C6orf89: variants seen among roughly 807,000 people sequenced by gnomAD.
C6orf89 encodes chromosome 6 open reading frame 89, also known as bombesin receptor-activated protein C6orf89.
In C6orf89, 29 loss-of-function variants were observed where a neutral mutation model predicts 40.7. That is an observed-to-expected ratio of 0.71 (90% CI 0.53 to 0.97). The LOEUF (loss-of-function observed/expected upper bound fraction) is 0.97, where lower values mean the gene tolerates loss of function less well. Among genes scored for constraint, C6orf89 ranks in the 50% least tolerant of loss-of-function variants. The pLI is 0.00. For synonymous variants in C6orf89, 165 were observed against 152.2 expected (o/e 1.08, Z -0.62); for missense variants, 392 against 429.1 (o/e 0.91, Z 0.76).
At chr6:36,921,187 G>A (rs1762497509) in intron 8 of C6orf89, among the ~76,000 whole-genome samples, 1 of 144,946 alleles carries the variant, frequency 6.9e-6, no homozygotes, top group African/African-American at 2.5e-5. Flanking sequence ...GGACTGAAGA[G>A]AAGAAGAAGA....
intron 4 of C6orf89, 36 bp from the exon 5 acceptor site, chr6:36,914,248 C>G: frequency 6.3e-7 from 1 of 1,576,650 alleles, no homozygotes; most frequent in Non-Finnish European, 8.6e-7. Flanking sequence ...TATGCTCTTT[C>G]AGTATCTGTT....
At chr6:36,889,340 TAATA>T (rs760906446) in intron 1 of C6orf89, among the ~76,000 whole-genome samples, 5 of 152,166 alleles carry the variant, frequency 3.3e-5, no homozygotes, top group Non-Finnish European at 5.9e-5. Context: ...TTCAACAGGT[TAATA>T]AATGAATGGA....
At chr6:36,909,971 A>C (rs971078739) in intron 4 of C6orf89, among the ~76,000 whole-genome samples, 3 of 152,134 alleles carry the variant, frequency 2.0e-5, no homozygotes, top group Middle Eastern at 6.3e-3. Flanking sequence ...ACAGTCACTT[A>C]GGGTAGATAC....
chr6:36,896,789 A>G (rs761405678), intron 2 of C6orf89, among the ~76,000 whole-genome samples: 14 of 152,154 alleles, frequency 9.2e-5, no homozygotes, highest in Non-Finnish European at 1.9e-4. Context: ...ATTTTAGCTT[A>G]TAAATTTAGG....
intron 1 of C6orf89, among the ~76,000 whole-genome samples, chr6:36,890,479 C>A (rs1448023093): frequency 6.6e-6 from 1 of 152,080 alleles, no homozygotes; most frequent in African/African-American, 2.4e-5. Context: ...AGCAGGATTT[C>A]TTTCTTTTTT....
At chr6:36,884,055 A>G (rs187409876), upstream of C6orf89, among the ~76,000 whole-genome samples, 364 of 152,284 alleles carry the variant, frequency 2.4e-3, 1 homozygote, top group African/African-American at 8.5e-3. This position sits in a 1 kb window ranked among gnomAD's most constrained non-coding sequence, Gnocchi z 4.0. Context: ...TGAGGTCAGG[A>G]GTTTGAGAGC....
intron 2 of C6orf89, among the ~76,000 whole-genome samples, chr6:36,880,004 G>A (rs752674894): frequency 6.6e-6 from 1 of 152,234 alleles, no homozygotes; most frequent in Admixed American, 6.5e-5. Context: ...GGCGGTTCCA[G>A]TTCCATTCCC....
At chr6:36,917,769 G>C (rs72846836) in intron 7 of C6orf89, among the ~76,000 whole-genome samples, 8 of 152,218 alleles carry the variant, frequency 5.3e-5, no homozygotes, top group Non-Finnish European at 8.8e-5. Context: ...CCAGGCCCTT[G>C]TATGATTTCA....
At chr6:36,893,354 G>A (rs1199444616) in intron 1 of C6orf89, among the ~76,000 whole-genome samples, 1 of 152,032 alleles carries the variant, frequency 6.6e-6, no homozygotes, top group East Asian at 1.9e-4. Context: ...GGCATCCCTG[G>A]GGGCAGAATC....
At chr6:36,885,748 T>C, upstream of C6orf89, 1 of 357,544 alleles carries the variant, frequency 2.8e-6, no homozygotes, top group Non-Finnish European at 5.0e-6. Flanking sequence ...GATTTAGGAC[T>C]GGGGCGAAAA....
In C6orf89 at chr6:36,886,042, G is replaced by T; in HGVS notation, c.-120+14G>T. ...CGAGCCCCGCATGTGAGTGACTGGG[G>T]CCCGAGGCTGGGTGGGGGGAGGCCG... On this transcript the variant is annotated intron_variant, in intron 1 of 8. Transcript: ENST00000480824. The T allele has an allele frequency of 8.0e-7, 1 of 1,250,428 alleles. No homozygotes were observed. Among genetic ancestry groups the T allele is most frequent in the Non-Finnish European group, 1.0e-6 (1 of 994,992 alleles). The allele number at this position is 1,250,428 out of a possible 1,614,324, so 77.5% of individuals were successfully genotyped here.
chr6:36,914,073 A>G (rs1017543186), intron 4 of C6orf89, among the ~76,000 whole-genome samples: 2 of 152,194 alleles, frequency 1.3e-5, no homozygotes, highest in Non-Finnish European at 2.9e-5. Flanking sequence ...TAGCAGGAGA[A>G]TCCCTTGAAC....
At chr6:36,912,295 C>G (rs1233612791) in intron 4 of C6orf89, among the ~76,000 whole-genome samples, 1 of 152,148 alleles carries the variant, frequency 6.6e-6, no homozygotes, top group Non-Finnish European at 1.5e-5. Context: ...GTGATTCCTC[C>G]TCAGTAATTA....
chr6:36,899,374 C>T (rs1278082647), intron 2 of C6orf89, 52 bp from the exon 3 acceptor site: 2 of 1,553,526 alleles, frequency 1.3e-6, no homozygotes, highest in East Asian at 2.2e-5. Flanking sequence ...AGAGGAAGTA[C>T]CTAAAGAAAC....
chr6:36,919,496 A>G (rs1561876853), intron 7 of C6orf89, 82 bp from the exon 8 acceptor site: 2 of 1,506,350 alleles, frequency 1.3e-6, no homozygotes. Flanking sequence ...CATATGTGAA[A>G]GCATTTTTAT....
At chr6:36,886,444 T>A (rs1774990539) in intron 1 of C6orf89, among the ~76,000 whole-genome samples, 1 of 152,102 alleles carries the variant, frequency 6.6e-6, no homozygotes, top group Non-Finnish European at 1.5e-5. Context: ...GGGGCAATAA[T>A]TTTTTTTCTT....
Position 36,919,639 on chromosome 6 carries a change from C to T in C6orf89, c.887C>T (p.Pro296Leu). 6.2e-7 allele frequency: 1 copy of T among 1,614,128 alleles called. No individual in the cohort carries two copies. The highest frequency in any genetic ancestry group is 8.5e-7 in the Non-Finnish European group (1 of 1,179,982). The change falls in exon 8 of 9, where the codon CCT (proline) becomes CTT (leucine). Residue 296 changes from proline (P) to leucine (L), a missense_variant. By Grantham distance (98) the Pro-to-Leu change is moderately conservative. Coordinates refer to ENST00000480824, the MANE Select transcript of C6orf89 (RefSeq NM_001286635.2). ...GSGEAMLQLI[P>L]PFQCRRHCQS... ...GGTGAGGCCATGTTGCAGCTCATCC[C>T]TCCCTTCCAGTGCCGAAGACATTGT... is the stretch of plus-strand genomic sequence containing the variant.
chr6:36,914,896 A>G (rs757640035), intron 6 of C6orf89, among the ~76,000 whole-genome samples: 12 of 152,218 alleles, frequency 7.9e-5, no homozygotes, highest in Non-Finnish European at 1.5e-4. Context: ...AGGCTGAGGC[A>G]TGAGAATCAC....
At chr6:36,917,594 G>A (rs1276463173) in intron 7 of C6orf89, among the ~76,000 whole-genome samples, 3 of 152,048 alleles carry the variant, frequency 2.0e-5, no homozygotes, top group Admixed American at 1.3e-4. Flanking sequence ...TGATACTATC[G>A]CTTGGCTCCA....
Sources: allele counts gnomAD v4.1 joint callset (sites outside exome capture counted in the v4.1 genomes callset), GRCh38; gene constraint gnomAD v4.1.1; non-coding constraint Gnocchi (gnomAD v3.1); transcripts MANE v1.5; gene names NCBI Gene and HGNC (gene_info 2026-07-23, HGNC 2026-07-21).